LYPLAL1: variants seen among roughly 807,000 people sequenced by gnomAD.
LYPLAL1 encodes lysophospholipase-like protein 1.
In LYPLAL1, 23 loss-of-function variants were observed where a neutral mutation model predicts 19.7. The observed-to-expected ratio is 1.17, with a 90% CI of 0.84 to 1.65. LYPLAL1 has a LOEUF of 1.65. Among genes scored for constraint, LYPLAL1 ranks in the 40% most tolerant of loss-of-function variants. The pLI, the probability that LYPLAL1 is intolerant of heterozygous loss-of-function variation, is 0.00. For synonymous variants in LYPLAL1, 119 were observed against 96.3 expected (o/e 1.24, Z -1.38); for missense variants, 355 against 279.4 (o/e 1.27, Z -1.93).
intron 1 of LYPLAL1, chr1:219,174,255 A>C: frequency 1.5e-6 from 2 of 1,346,722 alleles, no homozygotes; most frequent in African/African-American, 1.5e-5. Context: ...CATCCCCACA[A>C]CACACCTCCC....
chr1:219,178,041 G>A (rs1655967624), intron 1 of LYPLAL1, among the ~76,000 whole-genome samples: 1 of 152,112 alleles, frequency 6.6e-6, no homozygotes, highest in Non-Finnish European at 1.5e-5. Context: ...TCACCATCCT[G>A]TAGACTTTAG....
the LYPLAL1 span, among the ~76,000 whole-genome samples, chr1:219,430,936 C>T: frequency 3.3e-5 from 5 of 152,108 alleles, no homozygotes; most frequent in Admixed American, 6.5e-5. Flanking sequence ...CTTGGCCTCC[C>T]GAAGTGTGGG....
the LYPLAL1 span, among the ~76,000 whole-genome samples, chr1:219,397,656 T>A: frequency 3.9e-5 from 6 of 152,190 alleles, no homozygotes; most frequent in Non-Finnish European, 8.8e-5. Flanking sequence ...TGTCACTGGT[T>A]CATGTATTTA....
At chr1:219,286,533 C>T in the LYPLAL1 span, among the ~76,000 whole-genome samples, 3 of 152,158 alleles carry the variant, frequency 2.0e-5, no homozygotes, top group Non-Finnish European at 2.9e-5. Context: ...AATTTTGCAG[C>T]ATCCTTATGT....
At chr1:219,253,700 G>A in the LYPLAL1 span, among the ~76,000 whole-genome samples, 4 of 151,974 alleles carry the variant, frequency 2.6e-5, no homozygotes, top group Non-Finnish European at 5.9e-5. Context: ...GTCTAATTAT[G>A]TGGTTCGTTT....
the LYPLAL1 span, among the ~76,000 whole-genome samples, chr1:219,406,452 T>C: frequency 6.6e-6 from 1 of 152,230 alleles, no homozygotes; most frequent in Non-Finnish European, 1.5e-5. Flanking sequence ...CTAATCTGGT[T>C]AATAAGATTA....
chr1:219,416,183 A>T, the LYPLAL1 span, among the ~76,000 whole-genome samples: 1 of 152,108 alleles, frequency 6.6e-6, no homozygotes, highest in African/African-American at 2.4e-5. Flanking sequence ...TTTTATTCAG[A>T]TATGCTTAGT....
the LYPLAL1 span, among the ~76,000 whole-genome samples, chr1:219,433,063 G>A: frequency 1.3e-5 from 2 of 152,154 alleles, no homozygotes; most frequent in Non-Finnish European, 2.9e-5. Context: ...GAAAGTAGCC[G>A]TCTCTGGGTT....
chr1:219,342,963 A>G, the LYPLAL1 span, among the ~76,000 whole-genome samples: 1 of 152,082 alleles, frequency 6.6e-6, no homozygotes, highest in Non-Finnish European at 1.5e-5. Flanking sequence ...TGTTTATTTC[A>G]TGGATGAGGT....
intron 1 of LYPLAL1, 129 bp from the exon 2 acceptor site, chr1:219,179,018 T>G: frequency 1.8e-6 from 1 of 548,152 alleles, no homozygotes; most frequent in Non-Finnish European, 3.2e-6. Flanking sequence ...TCTATATGGT[T>G]ATTATGATGT....
the LYPLAL1 span, among the ~76,000 whole-genome samples, chr1:219,384,213 C>G: frequency 2.0e-5 from 3 of 152,288 alleles, no homozygotes; most frequent in Non-Finnish European, 2.9e-5. Context: ...ACAGATAGGG[C>G]AAAATAGAAA....
intron 1 of LYPLAL1, chr1:219,175,091 T>C (rs1655702974): frequency 5.1e-6 from 5 of 985,058 alleles, no homozygotes; most frequent in Non-Finnish European, 4.8e-6. Context: ...AAAAGGGCAA[T>C]TGTGGGAGGT....
chr1:219,182,313 T>C (rs1252500132), intron 2 of LYPLAL1, among the ~76,000 whole-genome samples: 1 of 152,162 alleles, frequency 6.6e-6, no homozygotes, highest in Non-Finnish European at 1.5e-5. Context: ...TTAAGACTTC[T>C]GACTGGTGTT....
At chr1:219,228,650 A>G in the LYPLAL1 span, among the ~76,000 whole-genome samples, 1 of 151,992 alleles carries the variant, frequency 6.6e-6, no homozygotes, top group East Asian at 1.9e-4. Context: ...TTCAAATACA[A>G]TTATAAGCAC....
At chr1:219,274,017 C>T in the LYPLAL1 span, among the ~76,000 whole-genome samples, 1 of 152,222 alleles carries the variant, frequency 6.6e-6, no homozygotes, top group Non-Finnish European at 1.5e-5. Context: ...GCCTCAGCCT[C>T]CCAAAGTGCC....
the LYPLAL1 span, among the ~76,000 whole-genome samples, chr1:219,374,045 G>A: frequency 2.0e-5 from 3 of 151,776 alleles, no homozygotes; most frequent in African/African-American, 7.3e-5. Flanking sequence ...AGTGGCTGCT[G>A]TGCATATCCA....
chr1:219,418,530 T>G, the LYPLAL1 span, among the ~76,000 whole-genome samples: 1 of 152,182 alleles, frequency 6.6e-6, no homozygotes, highest in Non-Finnish European at 1.5e-5. Context: ...ACCAAACAGA[T>G]AGTACAGAGA....
the LYPLAL1 span, among the ~76,000 whole-genome samples, chr1:219,383,522 G>A: frequency 0.014 from 2,178 of 152,272 alleles, 47 homozygotes; most frequent in African/African-American, 0.05. Flanking sequence ...ATCTCTGATG[G>A]AGCTCTTGGC....
the LYPLAL1 span, among the ~76,000 whole-genome samples, chr1:219,244,792 A>T: frequency 6.6e-6 from 1 of 151,976 alleles, no homozygotes; most frequent in African/African-American, 2.4e-5. Flanking sequence ...CTAAAAATAT[A>T]AAAAGTTAGC....
Sources: allele counts gnomAD v4.1 joint callset (sites outside exome capture counted in the v4.1 genomes callset), GRCh38; gene constraint gnomAD v4.1.1; transcripts MANE v1.5; gene names NCBI Gene and HGNC (gene_info 2026-07-23, HGNC 2026-07-21).